Variants in INCENP observed in about 807,000 individuals in gnomAD.
INCENP encodes the protein binds and activates aurora-B and -C in vivo and in vitro.
INCENP carries 43 observed loss-of-function variants against 107.3 expected under a neutral mutation model. The ratio of observed to expected loss-of-function variants is 0.40; its 90% CI spans 0.31 to 0.52. INCENP has a LOEUF of 0.52. Ranked by LOEUF, INCENP falls within the 20% of genes least tolerant of loss-of-function variation. The pLI, the probability that INCENP is intolerant of heterozygous loss-of-function variation, is 0.53. For missense variants in INCENP, 1,089 were observed against 1,250.9 expected, an observed-to-expected ratio of 0.87 and a Z score of 1.95; for synonymous variants, 488 against 494.4, an observed-to-expected ratio of 0.99 and a Z score of 0.17.
chr11:62,126,266 G>T (rs1158774938), intron 1 of INCENP, among the ~76,000 whole-genome samples: 1 of 151,350 alleles, frequency 6.6e-6, no homozygotes, highest in South Asian at 2.1e-4. Context: ...TGTGATCTTG[G>T]CTCATTGCAG....
intron 18 of INCENP, among the ~76,000 whole-genome samples, 185 bp downstream of exon 18, chr11:62,150,392 G>T (rs1397530309): frequency 6.6e-6 from 1 of 152,186 alleles, no homozygotes; most frequent in East Asian, 1.9e-4. Context: ...TGTGGTCATT[G>T]TGCTTTCCTG....
At chr11:62,131,080 G>C (rs1454854802) in intron 4 of INCENP, among the ~76,000 whole-genome samples, 2 of 152,214 alleles carry the variant, frequency 1.3e-5, no homozygotes, top group Non-Finnish European at 2.9e-5. Context: ...GCGACACTGT[G>C]TTTGATCTGG....
intron 7 of INCENP, 141 bp downstream of exon 7, chr11:62,139,146 G>T: frequency 1.5e-6 from 1 of 650,206 alleles, no homozygotes; most frequent in South Asian, 1.7e-5. Flanking sequence ...TGGGGGTGCA[G>T]AGATCCCTTT....
chr11:62,137,690 G>A (rs570839494), intron 4 of INCENP, 142 bp from the exon 5 acceptor site: 12 of 737,856 alleles, frequency 1.6e-5, no homozygotes, highest in Non-Finnish European at 2.9e-5. Context: ...CTGAGGGGAG[G>A]GTCCTGGGCA....
At chr11:62,140,852 C>T (rs1407512631) in intron 9 of INCENP, 31 bp downstream of exon 9, 1 of 1,613,724 alleles carries the variant, frequency 6.2e-7, no homozygotes, top group Admixed American at 1.7e-5. Context: ...CTCCTGGAGC[C>T]CTGACCCCCT....
chr11:62,141,366 AGGC>A (rs1648042550), intron 10 of INCENP, 131 bp from the exon 11 acceptor site: 1 of 1,131,710 alleles, frequency 8.8e-7, no homozygotes, highest in Admixed American at 1.7e-5. Flanking sequence ...GTGACAGGAG[AGGC>A]GGTGGGGGTG....
chr11:62,138,703 C>A lies in INCENP; in HGVS notation c.1116-10C>A. 1.2e-6 allele frequency: 2 copies of A among 1,613,946 alleles called. No individual in the cohort carries two copies. Among genetic ancestry groups the A allele is most frequent in the Non-Finnish European group, 1.7e-6 (2 of 1,179,884 alleles). On this transcript the variant is annotated splice_polypyrimidine_tract_variant and intron_variant, in intron 5 of 18. Transcript: ENST00000394818. ...GGGCAGTCCCCTCAGAGTCCCTCTT[C>A]TGTTTTCAGTTCTGAGCAGAAGGAA...
chr11:62,130,154 G>C lies in INCENP; in HGVS notation c.627G>C (p.Gln209His). 6.2e-7 allele frequency: 1 copy of C among 1,613,888 alleles called. No homozygotes were observed. The highest frequency in any genetic ancestry group is 8.5e-7 in the Non-Finnish European group (1 of 1,180,014). ...CTTCAGCCACAGCTCCAACCTCCCA[G>C]GGCATCCCGACATCAGATGAGGAAT... is the stretch of plus-strand genomic sequence containing the variant. ...TPASATAPTSQGIPTSDEEST... is the reference protein window; with the variant it reads ...TPASATAPTSHGIPTSDEEST... Residue 209 changes from glutamine (Q) to histidine (H), a missense_variant, in exon 4 of 19, where the codon CAG becomes CAC. Coordinates refer to ENST00000394818, the MANE Select transcript of INCENP (RefSeq NM_001040694.2).
rs562866408 is a variant in INCENP, at chr11:62,129,821, C to A, written c.294C>A (p.Ser98=). The part of the protein sequence containing the change: ...RRKSRSSQLS[S]RRLRSKDSVE... ...AGTCTCGGAGCAGCCAGCTGAGCTC[C>A]CGACGCCTCCGCAGCAAGGACAGTG... Residue 98 remains serine, a synonymous_variant, in exon 4 of 19, where the codon TCC becomes TCA. Transcript: ENST00000394818. 1.4e-5 allele frequency: 23 copies of A among 1,610,680 alleles called. No homozygotes were observed. Among genetic ancestry groups the A allele is most frequent in the Non-Finnish European group, 1.9e-5 (22 of 1,179,738 alleles).
chr11:62,135,052 A>G (rs1396767810), intron 4 of INCENP, among the ~76,000 whole-genome samples: 1 of 150,456 alleles, frequency 6.6e-6, no homozygotes, highest in African/African-American at 2.4e-5. Flanking sequence ...CTCTGTCTCA[A>G]AAAAAAAAAG....
intron 18 of INCENP, among the ~76,000 whole-genome samples, chr11:62,151,058 C>T (rs1466771539): frequency 6.6e-6 from 1 of 152,188 alleles, no homozygotes; most frequent in East Asian, 1.9e-4. Context: ...GGAGCCAGCT[C>T]GCTTGCAAAG....
chr11:62,135,615 G>A (rs945018539), intron 4 of INCENP, among the ~76,000 whole-genome samples: 7 of 151,978 alleles, frequency 4.6e-5, no homozygotes, highest in East Asian at 1.9e-4. Context: ...CACATACATC[G>A]ATCATTTCGA....
intron 4 of INCENP, among the ~76,000 whole-genome samples, chr11:62,134,722 TG>T (rs1943956074): frequency 6.6e-6 from 1 of 152,252 alleles, no homozygotes; most frequent in Non-Finnish European, 1.5e-5. Flanking sequence ...ATTCTGCGTT[TG>T]ATCTGTTGTT....
In INCENP at chr11:62,130,478, C is replaced by A. The variant is rs775212366; in HGVS notation, c.951C>A (p.Val317=). 6.2e-7 allele frequency: 1 copy of A among 1,614,026 alleles called. No homozygotes were observed. The highest frequency in any genetic ancestry group is 1.3e-5 in the African/African-American group (1 of 74,962). ...CCCCGTCTTCCCCGAGTCCCCAAGT[C>A]TTAGCCCAGAAGTACTCTCTGGTGG... ...PIAPSSPSPQ[V]LAQKYSLVAK... Residue 317 remains valine, a synonymous_variant, in exon 4 of 19, where the codon GTC becomes GTA. Transcript: ENST00000394818.
chr11:62,137,918 G>T, intron 5 of INCENP, 35 bp downstream of exon 5: 1 of 1,580,752 alleles, frequency 6.3e-7, no homozygotes. Flanking sequence ...AGGTAGGCAG[G>T]GCATACCAGG....
chr11:62,140,656 T>C lies in INCENP; in HGVS notation c.1344-48T>C, dbSNP rs778428845. 4 of 1,484,594 alleles carry C rather than the reference T, an allele frequency of 2.7e-6. No individual in the cohort carries two copies. The Admixed American group carries it at 7.9e-5, about 29-fold the overall frequency. 92.0% of individuals were successfully genotyped at this position (1,484,594 alleles called of 1,614,324 possible). A position where few individuals can be genotyped will look rare whatever the true frequency, so the allele number is the denominator to read the frequency against. On this transcript the variant is annotated intron_variant, in intron 8 of 18. Coordinates refer to ENST00000394818, the MANE Select transcript of INCENP (RefSeq NM_001040694.2). ...GGGGTGACTTTTGATGGGGTGTGGC[T>C]GGGCTGTGGCGGGCTGCCCTGTGAT... is the stretch of plus-strand genomic sequence containing the variant.
chr11:62,139,091 G>C (rs932088206), intron 7 of INCENP, 86 bp downstream of exon 7: 3 of 918,928 alleles, frequency 3.3e-6, no homozygotes, highest in Non-Finnish European at 5.4e-6. Flanking sequence ...CTGGGGATAA[G>C]GAAGCCCCAT....
intron 16 of INCENP, 79 bp from the exon 17 acceptor site, chr11:62,148,660 G>T (rs1444033727): frequency 5.3e-6 from 7 of 1,330,384 alleles, no homozygotes; most frequent in Non-Finnish European, 7.3e-6. Context: ...AAAGGGAGGA[G>T]AATGGAGCGG....
chr11:62,130,195 C>G lies in INCENP; in HGVS notation c.668C>G (p.Ser223Trp). 6.2e-7 allele frequency: 1 copy of G among 1,613,970 alleles called. No individual in the cohort carries two copies. Among genetic ancestry groups the G allele is most frequent in the Non-Finnish European group, 8.5e-7 (1 of 1,180,024 alleles). The stretch of plus-strand genomic sequence containing the variant: ...GATGAGGAATCAACACCTAAGAAGT[C>G]GAAGGCCAGGATACTGGAGTCCATC... ...TSDEESTPKKSKARILESITV... is the reference protein window; with the variant it reads ...TSDEESTPKKWKARILESITV... Residue 223 changes from serine to tryptophan, a missense_variant, in exon 4 of 19, where the codon TCG (serine) becomes TGG (tryptophan). Ser to Trp is a radical substitution (Grantham distance 177, BLOSUM62 -3). Transcript: ENST00000394818.
Sources: allele counts gnomAD v4.1 joint callset (sites outside exome capture counted in the v4.1 genomes callset), GRCh38; gene constraint gnomAD v4.1.1; transcripts MANE v1.5; gene names NCBI Gene and HGNC (gene_info 2026-07-23, HGNC 2026-07-21).